KSR2: variants seen among roughly 807,000 people sequenced by gnomAD.
KSR2 encodes kinase suppressor of ras 2.
In KSR2, 25 loss-of-function variants were observed where a neutral mutation model predicts 107.8. The observed-to-expected ratio is 0.23, with a 90% CI of 0.17 to 0.32. KSR2 has a LOEUF of 0.32. KSR2 is among the 10% of genes least tolerant of loss of function. The probability of loss-of-function intolerance (pLI) is 1.00; values close to 1 mark genes in which losing one functional copy is unlikely to be tolerated. For missense variants in KSR2, 887 were observed against 1,268.9 expected, an observed-to-expected ratio of 0.70 and a Z score of 4.57; for synonymous variants, 480 against 507.0, an observed-to-expected ratio of 0.95 and a Z score of 0.71.
rs78615056 is a variant in KSR2, at chr12:117,729,140, C to CT, written c.986+31870dup. On this transcript the variant is annotated intron_variant, in intron 4 of 19. Transcript: ENST00000339824. ...AGAAAATGAAGTCACCAGCAGGAAA[C>CT]TTTTTTTTTTTTTTTTACCAGTAAG... Among the ~76,000 whole-genome samples, 875 of 140,700 alleles carry CT rather than the reference C, an allele frequency of 6.2e-3. 3 individuals are homozygous for CT. Among genetic ancestry groups the CT allele is most frequent in the African/African-American group, 0.017 (635 of 38,348 alleles). The allele number at this position is 140,700 out of a possible 152,430, so 92.3% of individuals were successfully genotyped here.
intron 1 of KSR2, among the ~76,000 whole-genome samples, chr12:117,963,146 C>T (rs1443662240): frequency 1.1e-4 from 16 of 151,902 alleles, no homozygotes; most frequent in African/African-American, 3.1e-4. Flanking sequence ...GCCGAGATCA[C>T]GCCACTGCAC....
intron 3 of KSR2, among the ~76,000 whole-genome samples, chr12:117,831,924 A>G (rs2137116607): frequency 6.6e-6 from 1 of 152,326 alleles, no homozygotes; most frequent in Non-Finnish European, 1.5e-5. Flanking sequence ...AGGAACAGCT[A>G]ACTTGGTTCT....
intron 9 of KSR2, among the ~76,000 whole-genome samples, chr12:117,552,251 T>A (rs143655870): frequency 5.3e-5 from 8 of 152,336 alleles, no homozygotes; most frequent in African/African-American, 1.9e-4. Flanking sequence ...CTGAGTGCAT[T>A]TAAATGTTGA....
At chr12:117,728,075 G>C (rs1887510196) in intron 4 of KSR2, among the ~76,000 whole-genome samples, 1 of 152,198 alleles carries the variant, frequency 6.6e-6, no homozygotes, top group African/African-American at 2.4e-5. Flanking sequence ...ATCGGAGAAG[G>C]ACATGAGAGA....
chr12:117,638,635 G>A (rs1358839538), intron 5 of KSR2, among the ~76,000 whole-genome samples: 1 of 152,146 alleles, frequency 6.6e-6, no homozygotes, highest in Non-Finnish European at 1.5e-5. Flanking sequence ...TCCCACAGGG[G>A]AAAGTGAGAC....
intron 1 of KSR2, among the ~76,000 whole-genome samples, chr12:117,904,563 G>A (rs1026086007): frequency 2.6e-5 from 4 of 152,080 alleles, no homozygotes; most frequent in African/African-American, 7.2e-5. Context: ...AGTCCCTTCC[G>A]AATATTGGAC....
At chr12:117,964,719 G>A (rs1346536916) in intron 1 of KSR2, among the ~76,000 whole-genome samples, 1 of 152,180 alleles carries the variant, frequency 6.6e-6, no homozygotes, top group African/African-American at 2.4e-5. Context: ...ATCCTCTGAA[G>A]TAGGGAATAT....
At chr12:117,487,279 T>A (rs941090516) in intron 14 of KSR2, among the ~76,000 whole-genome samples, 6 of 152,238 alleles carry the variant, frequency 3.9e-5, no homozygotes, top group African/African-American at 1.2e-4. Flanking sequence ...TGTCCACCCA[T>A]CCGTATACTA....
At chr12:117,499,724 A>T (rs941205678) in intron 14 of KSR2, among the ~76,000 whole-genome samples, 2 of 152,236 alleles carry the variant, frequency 1.3e-5, no homozygotes, top group South Asian at 4.1e-4. Context: ...TTGGCTCAGG[A>T]AAGTTTGGTC....
chr12:117,495,847 A>G (rs1210536480), intron 14 of KSR2, among the ~76,000 whole-genome samples: 1 of 152,172 alleles, frequency 6.6e-6, no homozygotes, highest in Non-Finnish European at 1.5e-5. Context: ...CAAGGTCAAG[A>G]GATCGAGACC....
At chr12:117,580,538 G>A (rs1879582778) in intron 6 of KSR2, among the ~76,000 whole-genome samples, 1 of 152,212 alleles carries the variant, frequency 6.6e-6, no homozygotes, top group Non-Finnish European at 1.5e-5. Flanking sequence ...TCTGGCTGAA[G>A]TGACTCTGAT....
intron 1 of KSR2, among the ~76,000 whole-genome samples, chr12:117,939,944 A>AACAC (rs10561468): frequency 0.034 from 4,717 of 140,098 alleles, 183 homozygotes; most frequent in African/African-American, 0.1. Context: ...CCATCTTAAA[A>AACAC]ACACACACAC....
chr12:117,949,011 T>C (rs567743102), intron 1 of KSR2, among the ~76,000 whole-genome samples: 3 of 152,214 alleles, frequency 2.0e-5, no homozygotes, highest in African/African-American at 7.2e-5. Flanking sequence ...GGAGAATCGC[T>C]TGAACCCGGA....
intron 14 of KSR2, among the ~76,000 whole-genome samples, chr12:117,509,321 G>T (rs1473378074): frequency 6.6e-6 from 1 of 152,122 alleles, no homozygotes. Flanking sequence ...CCAACCCTCT[G>T]AATGCCAGGC....
chr12:117,962,878 G>C (rs1407358190), intron 1 of KSR2, among the ~76,000 whole-genome samples: 1 of 151,514 alleles, frequency 6.6e-6, no homozygotes, highest in Non-Finnish European at 1.5e-5. Flanking sequence ...CACAAATAAA[G>C]TTTTATTAGA....
intron 5 of KSR2, among the ~76,000 whole-genome samples, chr12:117,625,036 A>G (rs1882395936): frequency 6.6e-6 from 1 of 152,096 alleles, no homozygotes; most frequent in Non-Finnish European, 1.5e-5. Context: ...AATGCTTGTG[A>G]TTTTTGCACG....
At chr12:117,679,116 C>T (rs1565957465) in intron 4 of KSR2, among the ~76,000 whole-genome samples, 1 of 152,344 alleles carries the variant, frequency 6.6e-6, no homozygotes, top group East Asian at 1.9e-4. Flanking sequence ...TGTACCTTCA[C>T]TCTCCTAGGA....
At chr12:117,477,513 G>C (rs530667723) in intron 16 of KSR2, among the ~76,000 whole-genome samples, 7 of 152,118 alleles carry the variant, frequency 4.6e-5, no homozygotes, top group Admixed American at 2.6e-4. Flanking sequence ...TCAATAAACA[G>C]GAAAAGCTAA....
At chr12:117,611,821 G>A (rs1881618607) in intron 5 of KSR2, among the ~76,000 whole-genome samples, 1 of 152,142 alleles carries the variant, frequency 6.6e-6, no homozygotes, top group African/African-American at 2.4e-5. Context: ...CTACAACATG[G>A]ATGAGACTAG....
Sources: gnomAD v4.1 joint callset for allele counts (sites outside exome capture counted in the v4.1 genomes callset) on GRCh38, gnomAD v4.1.1 for gene constraint, MANE v1.5 for transcripts, NCBI Gene and HGNC (gene_info 2026-07-23, HGNC 2026-07-21) for gene names.